The following RORA variants were observed in gnomAD, a reference collection of about 807,000 sequenced individuals.
RORA encodes RAR related orphan receptor A.
RORA carries 7 observed loss-of-function variants against 69.5 expected under a neutral mutation model. That is an observed-to-expected ratio of 0.10 (90% CI 0.06 to 0.19). The LOEUF (loss-of-function observed/expected upper bound fraction) is 0.19, where lower values mean the gene tolerates loss of function less well. RORA is among the 10% of genes least tolerant of loss of function. RORA has a pLI of 1.00. For synonymous variants in RORA, 261 were observed against 240.8 expected (o/e 1.08, Z -0.78); for missense variants, 457 against 663.0 (o/e 0.69, Z 3.41).
At chr15:61,160,054 C>T (rs1391286914) in intron 1 of RORA, among the ~76,000 whole-genome samples, 2 of 152,256 alleles carry the variant, frequency 1.3e-5, no homozygotes, top group East Asian at 3.9e-4. Context: ...ACCTATAAAA[C>T]AGGAATGCAA....
intron 1 of RORA, among the ~76,000 whole-genome samples, chr15:61,107,633 T>C (rs2078963630): frequency 6.6e-6 from 1 of 151,996 alleles, no homozygotes; most frequent in Admixed American, 6.6e-5. Context: ...AAACTATTGA[T>C]ATGTTAATTA....
chr15:60,608,030 C>A (rs185159428), intron 2 of RORA, among the ~76,000 whole-genome samples: 2 of 152,284 alleles, frequency 1.3e-5, no homozygotes, highest in East Asian at 3.9e-4. Context: ...GCAAAACGTC[C>A]GTGAAAACTA....
chr15:60,880,148 T>A (rs1009471954), intron 1 of RORA, among the ~76,000 whole-genome samples: 1 of 152,188 alleles, frequency 6.6e-6, no homozygotes, highest in Non-Finnish European at 1.5e-5. Context: ...CACCTTACTC[T>A]TTGGTTTCCA....
In RORA at chr15:60,714,403, TC is replaced by T. The variant is rs1240131049; in HGVS notation, c.167-35718del. Among the ~76,000 whole-genome samples, 37 of 149,400 alleles carry T rather than the reference TC, an allele frequency of 2.5e-4. 1 individual carries two copies. The highest frequency in any genetic ancestry group is 8.7e-4 in the African/African-American group (35 of 40,352). On this transcript the variant is annotated intron_variant, in intron 1 of 10. Coordinates refer to ENST00000335670, the MANE Select transcript of RORA (RefSeq NM_134261.3). The stretch of plus-strand genomic sequence containing the variant: ...TTTTTTGAGATGGAGTCTTGCTCTG[TC>T]CCCCAGGCTAGAGTCAATGGTGCAA...
At chr15:61,206,366 A>G (rs2079941640) in intron 1 of RORA, among the ~76,000 whole-genome samples, 1 of 152,204 alleles carries the variant, frequency 6.6e-6, no homozygotes. Flanking sequence ...AATGGAAAGT[A>G]TTTATTCATC....
intron 1 of RORA, among the ~76,000 whole-genome samples, chr15:60,951,961 A>G (rs1893113639): frequency 6.7e-6 from 1 of 150,316 alleles, no homozygotes; most frequent in African/African-American, 2.5e-5. Context: ...TCATTCTGAT[A>G]CCAAAGCCAG....
chr15:60,840,263 G>T (rs1444817698), intron 1 of RORA, among the ~76,000 whole-genome samples: 1 of 152,244 alleles, frequency 6.6e-6, no homozygotes, highest in Non-Finnish European at 1.5e-5. Flanking sequence ...GGGAAAGGAA[G>T]GATGCCTATT....
chr15:61,161,004 G>C (rs1213519137), intron 1 of RORA, among the ~76,000 whole-genome samples: 1 of 152,112 alleles, frequency 6.6e-6, no homozygotes, highest in East Asian at 1.9e-4. Context: ...AAAGCCAATT[G>C]TATTTCACTG....
chr15:60,767,192 T>C (rs1431514017), intron 1 of RORA, among the ~76,000 whole-genome samples: 1 of 152,140 alleles, frequency 6.6e-6, no homozygotes, highest in African/African-American at 2.4e-5. Flanking sequence ...GGATATATAT[T>C]TTTTTCTAGA....
Position 61,228,848 on chromosome 15 carries a change from C to T in RORA, c.166+205G>A, listed in dbSNP as rs532816193. Among the ~76,000 whole-genome samples the T allele has an allele frequency of 5.0e-3, 763 of 151,812 alleles. 2 individuals carry two copies. The highest frequency in any genetic ancestry group is 0.017 in the African/African-American group (714 of 41,496). On this transcript the variant is annotated intron_variant, in intron 1 of 10. Coordinates refer to ENST00000335670, the MANE Select transcript of RORA (RefSeq NM_134261.3). The stretch of plus-strand genomic sequence containing the variant: ...CGCCTCCCCCGCCCCACTCTGCTCC[C>T]GCAAGCCGAGAACGGGCTGCAAAAG...
intron 1 of RORA, among the ~76,000 whole-genome samples, chr15:60,747,452 A>T (rs965420596): frequency 9.2e-5 from 14 of 152,356 alleles, no homozygotes; most frequent in African/African-American, 3.4e-4. Context: ...ATTTTTTAAA[A>T]TTGGCATCTC....
intron 2 of RORA, among the ~76,000 whole-genome samples, chr15:60,533,749 GA>G (rs2066596975): frequency 6.6e-6 from 1 of 152,172 alleles, no homozygotes; most frequent in African/African-American, 2.4e-5. Context: ...TGATTCCTAG[GA>G]ATGTAATAAT....
intron 1 of RORA, among the ~76,000 whole-genome samples, chr15:60,850,387 T>C (rs2073311253): frequency 6.6e-6 from 1 of 152,200 alleles, no homozygotes; most frequent in Non-Finnish European, 1.5e-5. Flanking sequence ...GTGTTTAAGA[T>C]GCTGGTGTGA....
rs147627178 is a variant in RORA, at chr15:60,946,098, T to C, written c.167-267412A>G. Among the ~76,000 whole-genome samples, 470 of 152,286 alleles carry C rather than the reference T, an allele frequency of 3.1e-3. 1 individual carries two copies. The highest frequency in any genetic ancestry group is 5.2e-3 in the Non-Finnish European group (356 of 68,016). On this transcript the variant is annotated intron_variant, in intron 1 of 10. Coordinates refer to ENST00000335670, the MANE Select transcript of RORA (RefSeq NM_134261.3). ...GAGAGTGAAGCCAAGTGCACCTTTCTGAATCAAAGATAATGAGCCAGGATC... is the reference window on the plus strand; with the variant it reads ...GAGAGTGAAGCCAAGTGCACCTTTCCGAATCAAAGATAATGAGCCAGGATC...
At chr15:61,084,398 C>G (rs1194504745) in intron 1 of RORA, among the ~76,000 whole-genome samples, 1 of 152,200 alleles carries the variant, frequency 6.6e-6, no homozygotes, top group Non-Finnish European at 1.5e-5. Context: ...CTAGGAAAAG[C>G]AAACCACTGA....
chr15:61,142,291 C>T lies in RORA; in HGVS notation c.166+86762G>A, dbSNP rs8182072. Among the ~76,000 whole-genome samples, 21 of 152,244 alleles carry T rather than the reference C, an allele frequency of 1.4e-4. No individual in the cohort carries two copies. In the East Asian group the frequency reaches 2.3e-3, roughly 17 times the overall value. On this transcript the variant is annotated intron_variant, in intron 1 of 10. Transcript: ENST00000335670. Reference sequence around the variant, plus strand: ...AAGCTCCTCTGGCATCTCTCAATTCCTCAGGAAGATACCTATTAGCCCCTT... The same window carrying T: ...AAGCTCCTCTGGCATCTCTCAATTCTTCAGGAAGATACCTATTAGCCCCTT...
chr15:60,636,785 G>A (rs2069849535), intron 2 of RORA, among the ~76,000 whole-genome samples: 1 of 152,116 alleles, frequency 6.6e-6, no homozygotes, highest in African/African-American at 2.4e-5. Flanking sequence ...GTTCTTGCCA[G>A]TATTTTCTCT....
At position 61,164,958 on chromosome 15, in the gene RORA, C is replaced by T. The variant is rs924018241; in HGVS notation, c.166+64095G>A. Among the ~76,000 whole-genome samples, 9 of 152,218 alleles carry T rather than the reference C, an allele frequency of 5.9e-5. No homozygotes were observed. In the South Asian group the frequency reaches 1.5e-3, roughly 25 times the overall value. ...GCAGAGAACCTTTTCAAAGACAGAT[C>T]GGCAGCTTTACCCAAAGCACCCTTC... On this transcript the variant is annotated intron_variant, in intron 1 of 10. Transcript: ENST00000335670.
At chr15:60,636,665 A>G (rs1174193645) in intron 2 of RORA, among the ~76,000 whole-genome samples, 3 of 152,164 alleles carry the variant, frequency 2.0e-5, no homozygotes. Flanking sequence ...ATACATATAT[A>G]CCTGGTAGAA....
Sources: gnomAD v4.1 joint callset for allele counts (sites outside exome capture counted in the v4.1 genomes callset) on GRCh38, gnomAD v4.1.1 for gene constraint, MANE v1.5 for transcripts, NCBI Gene and HGNC (gene_info 2026-07-23, HGNC 2026-07-21) for gene names.